The following CPD variants were observed in gnomAD, a reference collection of about 807,000 sequenced individuals.
The protein encoded by CPD is metallocarboxypeptidase D.
Under a neutral mutation model 138.3 loss-of-function variants are expected in CPD, and 69 were observed. That is an observed-to-expected ratio of 0.50 (90% confidence interval 0.41 to 0.61). The LOEUF is 0.61. Ranked by LOEUF, CPD falls within the 20% of genes least tolerant of loss-of-function variation. The probability of loss-of-function intolerance (pLI) is 0.00; values close to 1 mark genes in which losing one functional copy is unlikely to be tolerated. For missense variants in CPD, 1,432 were observed against 1,733.3 expected (o/e 0.83, Z 3.09); for synonymous variants, 651 against 642.1 (o/e 1.01, Z -0.21).
At chr17:30,404,768 A>G (rs1389113377) in intron 2 of CPD, among the ~76,000 whole-genome samples, 1 of 151,538 alleles carries the variant, frequency 6.6e-6, no homozygotes. Flanking sequence ...AAAATTTCTG[A>G]TGGCAGCTTT....
chr17:30,395,971 A>G (rs563160783), intron 2 of CPD, among the ~76,000 whole-genome samples: 25 of 152,310 alleles, frequency 1.6e-4, no homozygotes, highest in African/African-American at 5.3e-4. Context: ...GAATTTAAAA[A>G]TTAGGAATTT....
At position 30,464,861 on chromosome 17, in the gene CPD, C is replaced by A; in HGVS notation, c.*47C>A. On this transcript the variant is annotated 3_prime_UTR_variant, in exon 21 of 21. Transcript: ENST00000225719. The stretch of plus-strand genomic sequence containing the variant: ...CCAGCATAAGTACCAAGCAAAATTA[C>A]AGTTCCTCTTGGGAGAACACTGCAT... 6.8e-7 allele frequency: 1 copy of A among 1,462,532 alleles called. No individual in the cohort carries two copies. The highest frequency in any genetic ancestry group is 9.6e-7 in the Non-Finnish European group (1 of 1,046,148). The allele number at this position is 1,462,532 out of a possible 1,614,324, so 90.6% of individuals were successfully genotyped here. A position where few individuals can be genotyped will look rare whatever the true frequency, so the allele number is the denominator to read the frequency against.
chr17:30,395,495 C>T (rs1911479352), intron 2 of CPD, among the ~76,000 whole-genome samples: 1 of 152,004 alleles, frequency 6.6e-6, no homozygotes, highest in Non-Finnish European at 1.5e-5. Flanking sequence ...TGCTTGGAGT[C>T]ACGAGTTGGC....
Position 30,379,364 on chromosome 17 carries a change from CCG to C in CPD, c.385_386del (p.Arg129AlafsTer82). 1 of 1,505,798 alleles carries C rather than the reference CCG, an allele frequency of 6.6e-7. No homozygotes were observed. Among genetic ancestry groups the C allele is most frequent in the Admixed American group, 2.1e-5 (1 of 47,016 alleles). The allele number at this position is 1,505,798 out of a possible 1,614,324, so 93.3% of individuals were successfully genotyped here. On this transcript the variant is annotated frameshift_variant, in exon 1 of 21. Transcript: ENST00000225719. LOFTEE classifies it high-confidence loss of function. The surrounding 1 kb of genome is among the most constrained non-coding windows in gnomAD (Gnocchi z 7.0). Reference protein sequence around the residue: ...PDAAGPLLPGRPQVKLVGNMH... With the variant: ...PDAAGPLLPGXPQVKLVGNMH... ...ACGCTGCGGGGCCGCTGCTGCCCGG[CCG>C]GCCCCAGGTGAAGCTGGTGGGCAAC... is the stretch of plus-strand genomic sequence containing the variant.
intron 2 of CPD, among the ~76,000 whole-genome samples, chr17:30,402,861 C>T (rs1911711934): frequency 6.6e-6 from 1 of 152,110 alleles, no homozygotes; most frequent in Admixed American, 6.5e-5. Flanking sequence ...AATCCCAGCA[C>T]TTTGAGAGGC....
intron 8 of CPD, among the ~76,000 whole-genome samples, chr17:30,434,522 T>G (rs556044537): frequency 6.6e-6 from 1 of 152,178 alleles, no homozygotes; most frequent in East Asian, 1.9e-4. Flanking sequence ...AGCTCTGGAA[T>G]ACAGGGAAGA....
intron 10 of CPD, 47 bp from the exon 11 acceptor site, chr17:30,443,755 A>G (rs746416685): frequency 1.3e-6 from 2 of 1,510,994 alleles, no homozygotes; most frequent in Middle Eastern, 1.8e-4. Flanking sequence ...AGATAATTAG[A>G]TGATGATGTT....
intron 17 of CPD, among the ~76,000 whole-genome samples, chr17:30,459,178 CT>C (rs34962593): frequency 7.9e-5 from 9 of 113,222 alleles, no homozygotes; most frequent in Non-Finnish European, 1.1e-4. Context: ...TGTTGTTTTC[CT>C]TTTTTTTAAT....
intron 5 of CPD, 108 bp downstream of exon 5, chr17:30,423,131 T>G: frequency 1.3e-6 from 1 of 771,220 alleles, no homozygotes; most frequent in East Asian, 2.8e-5. Context: ...TAACTGGCAT[T>G]AAGAAAACCT....
intron 6 of CPD, among the ~76,000 whole-genome samples, chr17:30,427,007 C>T (rs948160649): frequency 1.3e-5 from 2 of 151,908 alleles, no homozygotes; most frequent in African/African-American, 4.8e-5. Flanking sequence ...ATGGTGAAAC[C>T]CCATCTCTAC....
At position 30,468,119 on chromosome 17, in the gene CPD, T is replaced by C. The variant is rs1299190810; in HGVS notation, c.*3305T>C. On this transcript the variant is annotated 3_prime_UTR_variant, in exon 21 of 21. Coordinates refer to ENST00000225719, the MANE Select transcript of CPD (RefSeq NM_001304.5). ...TAGTTCATGAAGAAATCTCTCCCAA[T>C]ACCCATTTATCCTATTTTTAGCAAT... 2 of 152,652 alleles carry C rather than the reference T, an allele frequency of 1.3e-5. No homozygotes were observed. The highest frequency in any genetic ancestry group is 3.9e-4 in the East Asian group (2 of 5,192). The allele number at this position is 152,652 out of a possible 1,614,324, so 9.5% of individuals were successfully genotyped here. A position where few individuals can be genotyped will look rare whatever the true frequency, so the allele number is the denominator to read the frequency against.
chr17:30,381,304 G>A (rs896771259), intron 1 of CPD, among the ~76,000 whole-genome samples: 1 of 152,158 alleles, frequency 6.6e-6, no homozygotes, highest in Non-Finnish European at 1.5e-5. Context: ...TGTTTAAAAT[G>A]CTCTGTCCTT....
At position 30,379,318 on chromosome 17, in the gene CPD, G is replaced by A. The variant is rs1489713199; in HGVS notation, c.338G>A (p.Gly113Glu). ...TCGCTAATCCCTGAGGGCGACGCGG[G>A]GCCTGACGCTGCCGGGCCCGACGCT... Reference protein sequence around the residue: ...LGSLIPEGDAGPDAAGPDAAG... With the variant: ...LGSLIPEGDAEPDAAGPDAAG... Residue 113 changes from glycine to glutamate, a missense_variant, in exon 1 of 21, where the codon GGG becomes GAG. Gly to Glu is a moderately conservative substitution (Grantham distance 98, BLOSUM62 -2). Coordinates refer to ENST00000225719, the MANE Select transcript of CPD (RefSeq NM_001304.5). The surrounding 1 kb of genome is among the most constrained non-coding windows in gnomAD (Gnocchi z 7.0). 1 of 1,492,860 alleles carries A rather than the reference G, an allele frequency of 6.7e-7. No homozygotes were observed. The highest frequency in any genetic ancestry group is 8.9e-7 in the Non-Finnish European group (1 of 1,128,976). 92.5% of individuals were successfully genotyped at this position (1,492,860 alleles called of 1,614,324 possible).
At chr17:30,446,240 T>C (rs1230154548) in intron 12 of CPD, among the ~76,000 whole-genome samples, 1 of 152,160 alleles carries the variant, frequency 6.6e-6, no homozygotes, top group Admixed American at 6.5e-5. Flanking sequence ...GTTTGTTACA[T>C]ATGTATACAT....
At chr17:30,461,531 G>A (rs902897821) in intron 18 of CPD, among the ~76,000 whole-genome samples, 1 of 152,192 alleles carries the variant, frequency 6.6e-6, no homozygotes, top group African/African-American at 2.4e-5. Flanking sequence ...GATGCTGCAA[G>A]TTCTTTAATT....
Position 30,455,481 on chromosome 17 carries a change from T to C in CPD, c.3337+11T>C. On this transcript the variant is annotated intron_variant, in intron 15 of 20. Transcript: ENST00000225719. ...AGCCAGTACAGACAGGTATGTAGAA[T>C]GTCATTTTATATATATACTGTTTAA... is the stretch of plus-strand genomic sequence containing the variant. 1 of 1,606,378 alleles carries C rather than the reference T, an allele frequency of 6.2e-7. No homozygotes were observed. Among genetic ancestry groups the C allele is most frequent in the Non-Finnish European group, 8.5e-7 (1 of 1,178,054 alleles).
At chr17:30,399,914 C>G (rs1323438485) in intron 2 of CPD, among the ~76,000 whole-genome samples, 1 of 152,170 alleles carries the variant, frequency 6.6e-6, no homozygotes, top group Non-Finnish European at 1.5e-5. Context: ...GCTTAGGAAA[C>G]CGGGAGGCAG....
At chr17:30,418,977 C>A (rs759113544) in intron 2 of CPD, among the ~76,000 whole-genome samples, 7 of 152,170 alleles carry the variant, frequency 4.6e-5, no homozygotes, top group Admixed American at 2.6e-4. Flanking sequence ...CTTAACCTAA[C>A]TTTTTTGTCT....
At chr17:30,459,206 T>TTTATTTA (rs1555611099) in intron 17 of CPD, among the ~76,000 whole-genome samples, 4 of 122,956 alleles carry the variant, frequency 3.3e-5, no homozygotes, top group Admixed American at 2.5e-4. Context: ...TTTATTTATT[T>TTTATTTA]TTATTTATTA....
Sources: gnomAD v4.1 joint callset for allele counts (sites outside exome capture counted in the v4.1 genomes callset) on GRCh38, gnomAD v4.1.1 for gene constraint, Gnocchi (gnomAD v3.1) non-coding constraint, MANE v1.5 for transcripts, NCBI Gene and HGNC (gene_info 2026-07-23, HGNC 2026-07-21) for gene names.